The following ZNF791 variants were observed in gnomAD, a reference collection of about 807,000 sequenced individuals.
ZNF791 encodes zinc finger protein 791.
A neutral mutation model predicts 11.5 loss-of-function variants in ZNF791; 4 were observed. The ratio of observed to expected loss-of-function variants is 0.35; its 90% CI spans 0.17 to 0.80. ZNF791 has a LOEUF of 0.80. Among genes scored for constraint, ZNF791 ranks in the 30% least tolerant of loss-of-function variants. ZNF791 has a pLI of 0.53. For missense variants in ZNF791, 559 were observed against 699.4 expected (o/e 0.80, Z 2.26); for synonymous variants, 212 against 228.1 (o/e 0.93, Z 0.64).
At chr19:12,616,170 T>C (rs2023242849) in intron 1 of ZNF791, among the ~76,000 whole-genome samples, 1 of 152,244 alleles carries the variant, frequency 6.6e-6, no homozygotes, top group African/African-American at 2.4e-5. Flanking sequence ...AGCTCCTTAG[T>C]GACATATAAT....
At position 12,627,581 on chromosome 19, in the gene ZNF791, G is replaced by A. The variant is rs59679585; in HGVS notation, c.192-140G>A. ...GTGGAGGTTGCAGTGAGCTGAGATC[G>A]CACCATTGCACTCCAGCCTGGGGAA... On this transcript the variant is annotated intron_variant, in intron 3 of 3. Transcript: ENST00000343325. 10,132 of 699,350 alleles carry A rather than the reference G, an allele frequency of 0.014. 765 individuals carry two copies. The African/African-American group carries it at 0.16, about 11-fold the overall frequency. 43.3% of individuals were successfully genotyped at this position (699,350 alleles called of 1,614,324 possible).
chr19:12,628,292 T>G lies in ZNF791; in HGVS notation c.763T>G (p.Ser255Ala). The G allele has an allele frequency of 6.2e-7, 1 of 1,612,940 alleles. No individual in the cohort carries two copies. The highest frequency in any genetic ancestry group is 8.5e-7 in the Non-Finnish European group (1 of 1,179,648). The part of the protein sequence containing the change: ...ACKECGKAFI[S>A]HTSVLTHMIT... Reference sequence around the variant, plus strand: ...TAAGGAATGTGGGAAAGCCTTCATTTCCCACACAAGTGTTCTAACACACAT... The same window carrying G: ...TAAGGAATGTGGGAAAGCCTTCATTGCCCACACAAGTGTTCTAACACACAT... Residue 255 changes from serine to alanine, a missense_variant, in exon 4 of 4, where the codon TCC (serine) becomes GCC (alanine). Transcript: ENST00000343325.
intron 1 of ZNF791, among the ~76,000 whole-genome samples, chr19:12,615,302 T>A (rs1408179521): frequency 2.0e-5 from 3 of 152,094 alleles, no homozygotes; most frequent in African/African-American, 7.2e-5. Context: ...CACAATTTCT[T>A]GACATCCAAA....
At chr19:12,615,677 G>T (rs1305771324) in intron 1 of ZNF791, among the ~76,000 whole-genome samples, 1 of 149,722 alleles carries the variant, frequency 6.7e-6, no homozygotes, top group Non-Finnish European at 1.5e-5. Context: ...TACCTGGGAG[G>T]CTGAGGCAGG....
At chr19:12,614,892 C>CGT (rs1191586602) in intron 1 of ZNF791, among the ~76,000 whole-genome samples, 93 of 17,570 alleles carry the variant, frequency 5.3e-3, no homozygotes, top group Admixed American at 0.011. Context: ...TGCGTCCGGC[C>CGT]TTTTTTTTTT....
chr19:12,625,703 T>A (rs986504001), intron 3 of ZNF791, among the ~76,000 whole-genome samples: 17 of 147,102 alleles, frequency 1.2e-4, no homozygotes, highest in African/African-American at 4.3e-4. Context: ...GAGAATCACT[T>A]GAACCTGGGA....
chr19:12,613,698 GA>G (rs759611977), intron 1 of ZNF791, among the ~76,000 whole-genome samples: 7 of 152,276 alleles, frequency 4.6e-5, no homozygotes, highest in Non-Finnish European at 7.4e-5. Context: ...GTCCACCTTT[GA>G]GCCTGCAAAG....
At chr19:12,613,034 T>G (rs541012640) in intron 1 of ZNF791, among the ~76,000 whole-genome samples, 1 of 151,960 alleles carries the variant, frequency 6.6e-6, no homozygotes, top group South Asian at 2.1e-4. Flanking sequence ...GTAGGTACAC[T>G]GAGTGTAATT....
chr19:12,611,111 A>G, intron 1 of ZNF791, 29 bp downstream of exon 1: 1 of 1,613,288 alleles, frequency 6.2e-7, no homozygotes, highest in Non-Finnish European at 8.5e-7. Flanking sequence ...ACTAGTTGGA[A>G]CCGGCCGTGA....
In ZNF791 at chr19:12,631,869, G is replaced by A. The variant is rs1008023990; in HGVS notation, c.*2609G>A. 6.6e-6 allele frequency: 1 copy of A among 152,210 alleles called. No individual in the cohort carries two copies. The highest frequency in any genetic ancestry group is 2.4e-5 in the African/African-American group (1 of 41,532). 9.4% of individuals were successfully genotyped at this position (152,210 alleles called of 1,614,324 possible). ...ATTCTGTAAGTACTCTTTAAGCAGTGGTCAAAAGTTTAAAAGGTTGTGTTT... is the reference window on the plus strand; with the variant it reads ...ATTCTGTAAGTACTCTTTAAGCAGTAGTCAAAAGTTTAAAAGGTTGTGTTT... On this transcript the variant is annotated 3_prime_UTR_variant, in exon 4 of 4. Coordinates refer to ENST00000343325, the MANE Select transcript of ZNF791 (RefSeq NM_153358.3).
chr19:12,622,561 A>G (rs2023370557), intron 1 of ZNF791, among the ~76,000 whole-genome samples: 1 of 151,842 alleles, frequency 6.6e-6, no homozygotes, highest in African/African-American at 2.4e-5. Context: ...GGGCAGGAGG[A>G]TCACTTGGGG....
rs554153024 is a variant in ZNF791, at chr19:12,625,559, C to T, written c.191+849C>T. ...CAGCACTTTGGGAAGGTGAGGTGGG[C>T]GGATCACCAGAGGTCAGGAGATCAA... On this transcript the variant is annotated intron_variant, in intron 3 of 3. Coordinates refer to ENST00000343325, the MANE Select transcript of ZNF791 (RefSeq NM_153358.3). Among the ~76,000 whole-genome samples the T allele has an allele frequency of 7.3e-5, 11 of 151,146 alleles. No homozygotes were observed. The South Asian group carries it at 1.3e-3, about 17-fold the overall frequency.
In ZNF791 at chr19:12,611,010, G is replaced by C; in HGVS notation, c.-70G>C. 1 of 1,610,792 alleles carries C rather than the reference G, an allele frequency of 6.2e-7. No homozygotes were observed. The highest frequency in any genetic ancestry group is 1.1e-5 in the South Asian group (1 of 90,992). Reference sequence around the variant, plus strand: ...CGTCAGGTTGCTGTACCCCTGCATCGGATGCGCTGTACCCTGCGCTGGCTC... The same window carrying C: ...CGTCAGGTTGCTGTACCCCTGCATCCGATGCGCTGTACCCTGCGCTGGCTC... On this transcript the variant is annotated 5_prime_UTR_variant, in exon 1 of 4. Transcript: ENST00000343325.
intron 3 of ZNF791, among the ~76,000 whole-genome samples, chr19:12,626,145 T>C (rs1382660698): frequency 6.6e-6 from 1 of 152,216 alleles, no homozygotes; most frequent in Non-Finnish European, 1.5e-5. Flanking sequence ...GCCTCCCAGG[T>C]AGCTGGGATT....
rs1193312090 is a variant in ZNF791 at position 12,628,438 on chromosome 19, A to T, written c.909A>T (p.Lys303Asn). The change falls in exon 4 of 4, where the codon AAA becomes AAT. Residue 303 changes from lysine to asparagine, a missense_variant. Lys to Asn is a moderately conservative substitution (Grantham distance 94). Coordinates refer to ENST00000343325, the MANE Select transcript of ZNF791 (RefSeq NM_153358.3). ...CTGGAGAGAAACCCTATAAATGTAAACAATGTGGTAAAGCCTTCAGATGTT... is the reference window on the plus strand; with the variant it reads ...CTGGAGAGAAACCCTATAAATGTAATCAATGTGGTAAAGCCTTCAGATGTT... ...IHTGEKPYKCKQCGKAFRCST... is the reference protein window; with the variant it reads ...IHTGEKPYKCNQCGKAFRCST... 1 of 1,610,200 alleles carries T rather than the reference A, an allele frequency of 6.2e-7. No individual in the cohort carries two copies. The highest frequency in any genetic ancestry group is 8.5e-7 in the Non-Finnish European group (1 of 1,178,162).
At chr19:12,612,747 C>T (rs577743263) in intron 1 of ZNF791, among the ~76,000 whole-genome samples, 2 of 151,090 alleles carry the variant, frequency 1.3e-5, no homozygotes, top group Non-Finnish European at 2.9e-5. Context: ...GCATGAGCCA[C>T]CACGCCAGGC....
chr19:12,628,435 T>C lies in ZNF791; in HGVS notation c.906T>C (p.Cys302=). Residue 302 remains cysteine, a synonymous_variant, in exon 4 of 4, where the codon TGT becomes TGC. Transcript: ENST00000343325. ...ACACTGGAGAGAAACCCTATAAATGTAAACAATGTGGTAAAGCCTTCAGAT... is the reference window on the plus strand; with the variant it reads ...ACACTGGAGAGAAACCCTATAAATGCAAACAATGTGGTAAAGCCTTCAGAT... ...RIHTGEKPYK[C]KQCGKAFRCS... 1 of 1,610,164 alleles carries C rather than the reference T, an allele frequency of 6.2e-7. No individual in the cohort carries two copies. Among genetic ancestry groups the C allele is most frequent in the Non-Finnish European group, 8.5e-7 (1 of 1,178,138 alleles).
chr19:12,613,797 C>T (rs2023198295), intron 1 of ZNF791, among the ~76,000 whole-genome samples: 1 of 152,098 alleles, frequency 6.6e-6, no homozygotes. Context: ...TGGAAGGATC[C>T]TCTTGTACTG....
chr19:12,624,630 A>T lies in ZNF791; in HGVS notation c.131-20A>T. On this transcript the variant is annotated intron_variant, in intron 2 of 3. Coordinates refer to ENST00000343325, the MANE Select transcript of ZNF791 (RefSeq NM_153358.3). ...TAATTTTTAATAATTTATCATGATT[A>T]TTCTTGATCTACATTTTAGGGGAAA... The T allele has an allele frequency of 1.3e-6, 2 of 1,570,904 alleles. No individual in the cohort carries two copies. Among genetic ancestry groups the T allele is most frequent in the East Asian group, 2.3e-5 (1 of 43,430 alleles).
Sources: allele counts gnomAD v4.1 joint callset (sites outside exome capture counted in the v4.1 genomes callset), GRCh38; gene constraint gnomAD v4.1.1; transcripts MANE v1.5; gene names NCBI Gene and HGNC (gene_info 2026-07-23, HGNC 2026-07-21).